The following NRXN1 variants were observed in gnomAD, a reference collection of about 807,000 sequenced individuals.
NRXN1 encodes neurexin-1.
Under a neutral mutation model 150.9 loss-of-function variants are expected in NRXN1, and 39 were observed. The observed-to-expected ratio is 0.26, with a 90% CI of 0.20 to 0.34. The LOEUF (loss-of-function observed/expected upper bound fraction) is 0.34. Ranked by LOEUF, NRXN1 falls within the 10% of genes least tolerant of loss-of-function variation. The probability of loss-of-function intolerance (pLI) is 1.00; values close to 1 mark genes in which losing one functional copy is unlikely to be tolerated. For synonymous variants in NRXN1, 924 were observed against 757.0 expected (o/e 1.22, Z -3.62); for missense variants, 1,815 against 1,949.9 (o/e 0.93, Z 1.30).
At chr2:50,432,622 A>T (rs2085068152) in intron 17 of NRXN1, among the ~76,000 whole-genome samples, 1 of 152,172 alleles carries the variant, frequency 6.6e-6, no homozygotes, top group Non-Finnish European at 1.5e-5. Flanking sequence ...CTTCATTTAC[A>T]TCTGATTACT....
intron 5 of NRXN1, among the ~76,000 whole-genome samples, chr2:50,896,264 C>A (rs1026749093): frequency 1.3e-5 from 2 of 152,068 alleles, no homozygotes; most frequent in Non-Finnish European, 2.9e-5. Flanking sequence ...GGGAAGAGAG[C>A]CAAAAACATC....
At chr2:50,431,552 A>AT (rs1348377764) in intron 17 of NRXN1, among the ~76,000 whole-genome samples, 3 of 152,212 alleles carry the variant, frequency 2.0e-5, no homozygotes, top group Non-Finnish European at 4.4e-5. Flanking sequence ...TTTTATTTTT[A>AT]TTTTTTTAAA....
chr2:50,369,601 T>G (rs147726326), intron 17 of NRXN1, among the ~76,000 whole-genome samples: 65 of 152,148 alleles, frequency 4.3e-4, no homozygotes, highest in African/African-American at 1.3e-3. Context: ...GTAGCCAGTT[T>G]GTGATGTTCT....
intron 2 of NRXN1, among the ~76,000 whole-genome samples, chr2:50,981,443 T>G (rs552333950): frequency 1.7e-5 from 1 of 58,572 alleles, no homozygotes; most frequent in African/African-American, 7.8e-5. Flanking sequence ...GGGTGACAGA[T>G]AGAAACTCTA....
chr2:50,506,884 C>T, intron 12 of NRXN1: 1 of 394,354 alleles, frequency 2.5e-6, no homozygotes, highest in Admixed American at 4.0e-5. Context: ...AATCTTTAAT[C>T]CTACGCATTG....
chr2:50,131,822 G>T (rs900732219), intron 18 of NRXN1, among the ~76,000 whole-genome samples: 34 of 152,196 alleles, frequency 2.2e-4, no homozygotes, highest in African/African-American at 7.9e-4. Flanking sequence ...AAAACAGAGG[G>T]ACAAACAAAG....
At chr2:50,399,935 A>T (rs2082292634) in intron 17 of NRXN1, among the ~76,000 whole-genome samples, 1 of 151,564 alleles carries the variant, frequency 6.6e-6, no homozygotes, top group African/African-American at 2.4e-5. Context: ...TTAAAAATTA[A>T]AAGGATAATG....
At chr2:50,193,099 T>C (rs1448596173) in intron 18 of NRXN1, among the ~76,000 whole-genome samples, 2 of 152,170 alleles carry the variant, frequency 1.3e-5, no homozygotes, top group Non-Finnish European at 2.9e-5. Flanking sequence ...TGCACAATAG[T>C]ATTGCATTCC....
intron 5 of NRXN1, among the ~76,000 whole-genome samples, chr2:50,777,186 T>C (rs1292713213): frequency 6.6e-6 from 1 of 152,168 alleles, no homozygotes; most frequent in Admixed American, 6.6e-5. Flanking sequence ...CTAGATTTTA[T>C]ATATTGCTTA....
chr2:50,400,902 G>T (rs577148977), intron 17 of NRXN1, among the ~76,000 whole-genome samples: 1 of 152,268 alleles, frequency 6.6e-6, no homozygotes, highest in African/African-American at 2.4e-5. Flanking sequence ...CACACACCTG[G>T]GTTGATGCTC....
At chr2:49,972,766 A>C (rs1678174327) in intron 21 of NRXN1, 1 of 152,200 alleles carries the variant, frequency 6.6e-6, no homozygotes, top group Admixed American at 6.5e-5. Context: ...GTCACCACAG[A>C]TATGACATTC....
chr2:50,271,848 A>C (rs2069710842), intron 17 of NRXN1, among the ~76,000 whole-genome samples: 1 of 152,192 alleles, frequency 6.6e-6, no homozygotes, highest in Non-Finnish European at 1.5e-5. Flanking sequence ...AAGAGAAAAA[A>C]AATCAAATAA....
At chr2:50,330,967 A>T (rs941557684) in intron 17 of NRXN1, among the ~76,000 whole-genome samples, 2 of 152,082 alleles carry the variant, frequency 1.3e-5, no homozygotes, top group African/African-American at 4.8e-5. Flanking sequence ...CCCACTTTAT[A>T]CTCCGTTTCT....
chr2:50,221,491 A>C (rs1429875925), intron 18 of NRXN1, among the ~76,000 whole-genome samples: 1 of 151,988 alleles, frequency 6.6e-6, no homozygotes, highest in Non-Finnish European at 1.5e-5. Context: ...AGACTATAGC[A>C]CCTTTAGGAC....
intron 18 of NRXN1, among the ~76,000 whole-genome samples, chr2:50,154,712 G>C (rs2058909393): frequency 6.6e-6 from 1 of 151,494 alleles, no homozygotes; most frequent in African/African-American, 2.4e-5. Flanking sequence ...AGAACAAAAA[G>C]GTATTCTGCA....
At chr2:50,624,697 T>C (rs10865248) in intron 5 of NRXN1, 89,276 of 151,712 alleles carry the variant, frequency 0.59, 26,462 homozygotes, top group East Asian at 0.74. Flanking sequence ...CTGGTGTAGT[T>C]AAGCAGATGG....
intron 5 of NRXN1, chr2:50,696,217 T>A (rs1278908537): frequency 6.6e-6 from 1 of 151,320 alleles, no homozygotes; most frequent in Non-Finnish European, 1.5e-5. Flanking sequence ...TGTGTGTATG[T>A]ATACACATAT....
intron 18 of NRXN1, among the ~76,000 whole-genome samples, chr2:50,235,925 G>A (rs77788316): frequency 6.6e-6 from 1 of 151,942 alleles, no homozygotes; most frequent in African/African-American, 2.4e-5. Context: ...GACACACTAC[G>A]ATTTTTTGGA....
At chr2:50,026,743 A>G (rs545899270) in intron 21 of NRXN1, among the ~76,000 whole-genome samples, 3 of 151,932 alleles carry the variant, frequency 2.0e-5, no homozygotes, top group African/African-American at 7.2e-5. Context: ...CCCTGAGAAT[A>G]TATCACCCGA....
Sources: allele counts gnomAD v4.1 joint callset (sites outside exome capture counted in the v4.1 genomes callset), GRCh38; gene constraint gnomAD v4.1.1; transcripts MANE v1.5; gene names NCBI Gene and HGNC (gene_info 2026-07-23, HGNC 2026-07-21).